Variants in GRIK4 observed in about 807,000 individuals in gnomAD.
The protein encoded by GRIK4 is glutamate receptor ionotropic, kainate 4.
GRIK4 carries 40 observed loss-of-function variants against 104.9 expected under a neutral mutation model. That is an observed-to-expected ratio of 0.38 (90% CI 0.30 to 0.50). The LOEUF (loss-of-function observed/expected upper bound fraction) is 0.50, where lower values mean the gene tolerates loss of function less well. GRIK4 is among the 20% of genes least tolerant of loss of function. The pLI is 0.93. For missense variants in GRIK4, 1,047 were observed against 1,308.1 expected (o/e 0.80, Z 3.08); for synonymous variants, 485 against 524.9 (o/e 0.92, Z 1.04).
At chr11:120,887,976 G>A (rs374666069) in intron 11 of GRIK4, among the ~76,000 whole-genome samples, 4 of 152,112 alleles carry the variant, frequency 2.6e-5, no homozygotes, top group Non-Finnish European at 4.4e-5. Context: ...ACCCAGAGGC[G>A]GTTGTGGTGG....
chr11:120,817,045 A>T (rs1179281759), intron 5 of GRIK4, among the ~76,000 whole-genome samples: 2 of 152,196 alleles, frequency 1.3e-5, no homozygotes, highest in Non-Finnish European at 2.9e-5. Flanking sequence ...ATGGCAGGTC[A>T]TTATTGTAGC....
intron 1 of GRIK4, among the ~76,000 whole-genome samples, chr11:120,640,162 G>A (rs1414394557): frequency 6.6e-6 from 1 of 152,146 alleles, no homozygotes; most frequent in East Asian, 1.9e-4. Flanking sequence ...GAAAGTAAAG[G>A]AACAACAGTT....
chr11:120,717,137 G>T (rs919398471), intron 3 of GRIK4, among the ~76,000 whole-genome samples: 17 of 152,316 alleles, frequency 1.1e-4, no homozygotes, highest in Middle Eastern at 3.4e-3. Flanking sequence ...TGTAAATGGA[G>T]GCCAGGTGCC....
At chr11:120,793,172 G>A (rs1191882296) in intron 3 of GRIK4, among the ~76,000 whole-genome samples, 2 of 152,174 alleles carry the variant, frequency 1.3e-5, no homozygotes, top group African/African-American at 4.8e-5. Context: ...TGACTTGGCA[G>A]GTGCAGTTTG....
chr11:120,755,789 C>A (rs1321984970), intron 3 of GRIK4, among the ~76,000 whole-genome samples: 1 of 152,110 alleles, frequency 6.6e-6, no homozygotes, highest in Non-Finnish European at 1.5e-5. Context: ...CCTTGCCCTC[C>A]TACCCTCCAG....
chr11:120,975,271 G>A (rs1259728227), intron 19 of GRIK4, among the ~76,000 whole-genome samples: 1 of 152,144 alleles, frequency 6.6e-6, no homozygotes. Flanking sequence ...GGGGGCCCCA[G>A]GGATGCTTCC....
chr11:120,610,401 G>A (rs1949020003), intron 1 of GRIK4, among the ~76,000 whole-genome samples: 1 of 152,236 alleles, frequency 6.6e-6, no homozygotes, highest in African/African-American at 2.4e-5. Context: ...ATTCTTGTGT[G>A]CAGCACTCCT....
chr11:120,932,895 T>C (rs1858274910), intron 13 of GRIK4, among the ~76,000 whole-genome samples: 1 of 152,044 alleles, frequency 6.6e-6, no homozygotes, highest in Admixed American at 6.6e-5. Flanking sequence ...TGTAAAAAGG[T>C]CAGAGAAGAA....
At chr11:120,580,719 C>A (rs1043774880) in intron 1 of GRIK4, among the ~76,000 whole-genome samples, 1 of 152,284 alleles carries the variant, frequency 6.6e-6, no homozygotes, top group East Asian at 1.9e-4. Context: ...CAGGCATGAG[C>A]AACTGCACCC....
intron 3 of GRIK4, among the ~76,000 whole-genome samples, chr11:120,801,399 G>A (rs1294561004): frequency 6.6e-6 from 1 of 152,066 alleles, no homozygotes. Context: ...GCTAATTTTT[G>A]TGTTTTTATT....
chr11:120,759,736 G>A (rs929389787), intron 3 of GRIK4, among the ~76,000 whole-genome samples: 2 of 152,096 alleles, frequency 1.3e-5, no homozygotes, highest in Non-Finnish European at 2.9e-5. Context: ...TAGACCCAGC[G>A]ATTGGCAGAG....
chr11:120,885,384 TTC>T (rs924989696), intron 11 of GRIK4, among the ~76,000 whole-genome samples: 5 of 139,852 alleles, frequency 3.6e-5, no homozygotes, highest in African/African-American at 1.2e-4. Flanking sequence ...ACATAAATTC[TTC>T]TTTTTTTTTT....
At chr11:120,516,955 TGTGCAGGAACAGGCCTGGGGCGC>T (rs1947735821) in intron 1 of GRIK4, among the ~76,000 whole-genome samples, 1 of 149,716 alleles carries the variant, frequency 6.7e-6, no homozygotes, top group Non-Finnish European at 1.5e-5. Flanking sequence ...TGTCTAGTCT[TGTGCAGGAACAGGCCTGGGGCGC>T]GTGCTGCCGG....
At chr11:120,563,389 C>T (rs562949691) in intron 1 of GRIK4, among the ~76,000 whole-genome samples, 1 of 152,136 alleles carries the variant, frequency 6.6e-6, no homozygotes, top group African/African-American at 2.4e-5. Flanking sequence ...GAACCCTGTG[C>T]CCAGTGACAA....
At chr11:120,644,059 G>GAGAGAGAGGA (rs796173721) in intron 1 of GRIK4, among the ~76,000 whole-genome samples, 81 of 121,124 alleles carry the variant, frequency 6.7e-4, no homozygotes, top group African/African-American at 2.7e-3. Context: ...GAGAGAGAGA[G>GAGAGAGAGGA]GAGAGAGAGA....
At chr11:120,874,528 A>G (rs116548941) in intron 10 of GRIK4, among the ~76,000 whole-genome samples, 1,550 of 152,268 alleles carry the variant, frequency 0.01, 26 homozygotes, top group African/African-American at 0.035. Flanking sequence ...CGGTGTTCTC[A>G]GCAAAGCTCC....
At chr11:120,536,701 T>C (rs1374787585) in intron 1 of GRIK4, among the ~76,000 whole-genome samples, 2 of 152,084 alleles carry the variant, frequency 1.3e-5, no homozygotes, top group African/African-American at 4.8e-5. Context: ...CCAATTGATA[T>C]GAGGCTCGGC....
intron 1 of GRIK4, among the ~76,000 whole-genome samples, chr11:120,623,564 A>G (rs763237830): frequency 8.5e-5 from 13 of 152,232 alleles, no homozygotes; most frequent in Non-Finnish European, 1.9e-4. Flanking sequence ...TTCTTTCAGT[A>G]GGAAATGACA....
At chr11:120,815,601 A>C (rs956675911) in intron 5 of GRIK4, 126 bp downstream of exon 5, 4 of 574,448 alleles carry the variant, frequency 7.0e-6, no homozygotes. Context: ...TAATAACAAC[A>C]ACATAAATAC....
Sources: gnomAD v4.1 joint callset for allele counts (sites outside exome capture counted in the v4.1 genomes callset) on GRCh38, gnomAD v4.1.1 for gene constraint, MANE v1.5 for transcripts, NCBI Gene and HGNC (gene_info 2026-07-23, HGNC 2026-07-21) for gene names.